ABCB11: variants seen among roughly 807,000 people sequenced by gnomAD.
ABCB11 encodes ATP binding cassette subfamily B member 11.
Under a neutral mutation model 148.0 loss-of-function variants are expected in ABCB11, and 95 were observed. That is an observed-to-expected ratio of 0.64 (90% CI 0.54 to 0.76). The LOEUF is 0.76. Among genes scored for constraint, ABCB11 ranks in the 30% least tolerant of loss-of-function variants. ABCB11 has a pLI of 0.00. For missense variants in ABCB11, 1,523 were observed against 1,617.8 expected (o/e 0.94, Z 1.01); for synonymous variants, 591 against 555.4 (o/e 1.06, Z -0.90).
chr2:168,980,459 A>C (rs1694096165), intron 10 of ABCB11, among the ~76,000 whole-genome samples: 1 of 152,208 alleles, frequency 6.6e-6, no homozygotes, highest in African/African-American at 2.4e-5. Flanking sequence ...TAATGCTACT[A>C]TTCCAGTAGT....
rs374948131 is a variant in ABCB11 at position 168,921,973 on chromosome 2, T to C, written c.*1649A>G. On this transcript the variant is annotated 3_prime_UTR_variant, in exon 28 of 28. Coordinates refer to ENST00000650372, the MANE Select transcript of ABCB11 (RefSeq NM_003742.4). ...ACGCCATTCTCCTGCCTCAGCCTCC[T>C]GAGTAGCTGGGACTACAGGCGCCCG... Among the ~76,000 whole-genome samples, 6 of 150,826 alleles carry C rather than the reference T, an allele frequency of 4.0e-5. No individual in the cohort carries two copies. The highest frequency in any genetic ancestry group is 6.6e-5 in the Admixed American group (1 of 15,136).
chr2:168,948,940 G>A (rs1270566624), intron 19 of ABCB11, among the ~76,000 whole-genome samples: 1 of 151,622 alleles, frequency 6.6e-6, no homozygotes, highest in African/African-American at 2.4e-5. Flanking sequence ...TTACGGTCAG[G>A]AGAGGTGATG....
At chr2:168,931,766 A>G (rs1691577386) in intron 24 of ABCB11, among the ~76,000 whole-genome samples, 1 of 152,228 alleles carries the variant, frequency 6.6e-6, no homozygotes, top group African/African-American at 2.4e-5. Context: ...CACAGAATTT[A>G]GCATTCACTG....
intron 17 of ABCB11, among the ~76,000 whole-genome samples, chr2:168,968,056 G>A (rs1693391391): frequency 6.6e-6 from 1 of 151,874 alleles, no homozygotes; most frequent in East Asian, 1.9e-4. Flanking sequence ...GGAGCTAAAG[G>A]CATGAATTTG....
intron 5 of ABCB11, among the ~76,000 whole-genome samples, chr2:169,010,261 T>C (rs1477297772): frequency 6.6e-6 from 1 of 152,182 alleles, no homozygotes; most frequent in Non-Finnish European, 1.5e-5. Flanking sequence ...AAAATGAAAT[T>C]GCAACTGTGG....
chr2:169,020,389 G>A (rs1030156266), intron 1 of ABCB11, among the ~76,000 whole-genome samples: 2 of 151,814 alleles, frequency 1.3e-5, no homozygotes, highest in Non-Finnish European at 2.9e-5. Flanking sequence ...AAAATCTATA[G>A]TTTCTAAATA....
At chr2:169,014,215 A>C in intron 4 of ABCB11, 88 bp downstream of exon 4, 1 of 1,325,998 alleles carries the variant, frequency 7.5e-7, no homozygotes, top group Non-Finnish European at 1.1e-6. Flanking sequence ...AAAACCTGCC[A>C]ATATGACTAA....
At chr2:168,920,485 A>G (rs923749091), downstream of ABCB11, among the ~76,000 whole-genome samples, 2 of 150,608 alleles carry the variant, frequency 1.3e-5, no homozygotes, top group African/African-American at 4.9e-5. Context: ...CCTACTTTTC[A>G]TCTCTATCTT....
chr2:168,932,927 G>C (rs1373958831), intron 23 of ABCB11, among the ~76,000 whole-genome samples: 1 of 152,026 alleles, frequency 6.6e-6, no homozygotes. Flanking sequence ...GGCTAACACG[G>C]TGAAACCCCG....
Position 168,922,283 on chromosome 2 carries a change from C to T in ABCB11, c.*1339G>A, listed in dbSNP as rs1055296695. ...CCCCCTGTCTCTTGTATGTTAGCTG[C>T]CCCTTCAACTTCATCTTGTGTCTCT... On this transcript the variant is annotated 3_prime_UTR_variant, in exon 28 of 28. Coordinates refer to ENST00000650372, the MANE Select transcript of ABCB11 (RefSeq NM_003742.4). Among the ~76,000 whole-genome samples the T allele has an allele frequency of 3.3e-5, 5 of 152,178 alleles. No individual in the cohort carries two copies. Among genetic ancestry groups the T allele is most frequent in the African/African-American group, 1.2e-4 (5 of 41,436 alleles).
chr2:168,936,951 T>A (rs1691860715), intron 21 of ABCB11, among the ~76,000 whole-genome samples: 1 of 152,132 alleles, frequency 6.6e-6, no homozygotes, highest in East Asian at 1.9e-4. Flanking sequence ...GGCAGTGGCA[T>A]AATTATGGCT....
intron 19 of ABCB11, among the ~76,000 whole-genome samples, chr2:168,951,725 T>G (rs1692578434): frequency 6.6e-6 from 1 of 151,676 alleles, no homozygotes; most frequent in Non-Finnish European, 1.5e-5. Flanking sequence ...TTTTCTAATT[T>G]GCATGCCTTT....
intron 11 of ABCB11, 115 bp downstream of exon 11, chr2:168,979,751 C>A: frequency 4.2e-6 from 2 of 481,034 alleles, no homozygotes; most frequent in Non-Finnish European, 7.5e-6. Flanking sequence ...GAATTAAGGG[C>A]CTTGCGATAG....
chr2:169,026,350 T>A (rs1455501831), intron 1 of ABCB11, among the ~76,000 whole-genome samples: 2 of 152,212 alleles, frequency 1.3e-5, no homozygotes, highest in East Asian at 3.8e-4. Context: ...AGATGTATAC[T>A]CTCTAGGGCT....
In ABCB11 at chr2:168,991,012, A is replaced by T. The variant is rs2287615; in HGVS notation, c.784-87T>A. 18,088 of 1,434,378 alleles carry T rather than the reference A, an allele frequency of 0.013. 1,991 individuals are homozygous for T. The East Asian group carries it at 0.28, about 23-fold the overall frequency. The allele number at this position is 1,434,378 out of a possible 1,614,324, so 88.9% of individuals were successfully genotyped here. A position where few individuals can be genotyped will look rare whatever the true frequency, so the allele number is the denominator to read the frequency against. ...CATTCAGATTCATTTAACATGTGGC[A>T]TGGGTTTAATACAATATTAGATTCT... On this transcript the variant is annotated intron_variant, in intron 8 of 27. Coordinates refer to ENST00000650372, the MANE Select transcript of ABCB11 (RefSeq NM_003742.4).
chr2:169,020,277 C>T (rs1342068660), intron 1 of ABCB11, among the ~76,000 whole-genome samples: 2 of 151,800 alleles, frequency 1.3e-5, no homozygotes, highest in Non-Finnish European at 2.9e-5. Context: ...AAGGAAATTG[C>T]CAATATTTAA....
At position 168,972,057 on chromosome 2, in the gene ABCB11, A is replaced by G; in HGVS notation, c.1435-7T>C. On this transcript the variant is annotated splice_region_variant and splice_polypyrimidine_tract_variant and intron_variant, in intron 13 of 27. Coordinates refer to ENST00000650372, the MANE Select transcript of ABCB11 (RefSeq NM_003742.4). ...CATGGCCATCCACGGTCACCTAGAG[A>G]GCATGGGCACAACATCACAACTTTT... 6.2e-7 allele frequency: 1 copy of G among 1,611,462 alleles called. No homozygotes were observed. The highest frequency in any genetic ancestry group is 8.5e-7 in the Non-Finnish European group (1 of 1,178,428).
At chr2:168,980,060 T>A in intron 10 of ABCB11, 81 bp from the exon 11 acceptor site, 2 of 771,874 alleles carry the variant, frequency 2.6e-6, no homozygotes, top group Non-Finnish European at 4.3e-6. Flanking sequence ...TCTTCCATGT[T>A]AACGCAGAGA....
At position 168,979,862 on chromosome 2, in the gene ABCB11, A is replaced by G. The variant is rs748691675; in HGVS notation, c.1197+4T>C. On this transcript the variant is annotated splice_donor_region_variant and intron_variant, in intron 11 of 27. Transcript: ENST00000650372. Reference sequence around the variant, plus strand: ...AATGGCCTTTACTTTTGGCTTATACATACCCTGTCTATTGTCTCAAAAATG... The same window carrying G: ...AATGGCCTTTACTTTTGGCTTATACGTACCCTGTCTATTGTCTCAAAAATG... 11 of 1,598,580 alleles carry G rather than the reference A, an allele frequency of 6.9e-6. No individual in the cohort carries two copies. Among genetic ancestry groups the G allele is most frequent in the Non-Finnish European group, 9.4e-6 (11 of 1,168,846 alleles).
Sources: gnomAD v4.1 joint callset for allele counts (sites outside exome capture counted in the v4.1 genomes callset) on GRCh38, gnomAD v4.1.1 for gene constraint, MANE v1.5 for transcripts, NCBI Gene and HGNC (gene_info 2026-07-23, HGNC 2026-07-21) for gene names.